Variants in GPBP1L1 observed in about 807,000 individuals in gnomAD.
GPBP1L1 encodes the protein GC-rich promoter binding protein 1 like 1.
GPBP1L1 carries 23 observed loss-of-function variants against 52.5 expected under a neutral mutation model. That is an observed-to-expected ratio of 0.44 (90% CI 0.32 to 0.62). The LOEUF (loss-of-function observed/expected upper bound fraction) is 0.62. Ranked by LOEUF, GPBP1L1 falls within the 20% of genes least tolerant of loss-of-function variation. GPBP1L1 has a pLI of 0.06. For synonymous variants in GPBP1L1, 243 were observed against 203.1 expected (o/e 1.20, Z -1.67); for missense variants, 596 against 579.3 (o/e 1.03, Z -0.30).
Position 45,675,830 on chromosome 1 carries a change from T to C in GPBP1L1, c.-1098+9746A>G, listed in dbSNP as rs911160550. 6.6e-5 allele frequency among the ~76,000 whole-genome samples: 10 copies of C among 152,304 alleles called. No homozygotes were observed. The East Asian group carries it at 1.5e-3, about 23-fold the overall frequency. ...TGCTAGGATTACAGGCATGAGCCAC[T>C]GTACCCAGCCTTCTTACTGTTCTTA... is the stretch of plus-strand genomic sequence containing the variant. On this transcript the variant is annotated intron_variant, in intron 2 of 12. Coordinates refer to ENST00000355105, the MANE Select transcript of GPBP1L1 (RefSeq NM_021639.5).
intron 4 of GPBP1L1, among the ~76,000 whole-genome samples, chr1:45,658,169 C>G (rs904692233): frequency 2.0e-5 from 3 of 152,180 alleles, no homozygotes; most frequent in South Asian, 2.1e-4. Flanking sequence ...ACACATCCCC[C>G]CTGAAACTAT....
intron 2 of GPBP1L1, among the ~76,000 whole-genome samples, chr1:45,671,014 G>A (rs1284839417): frequency 6.6e-6 from 1 of 151,440 alleles, no homozygotes; most frequent in Non-Finnish European, 1.5e-5. Context: ...GGCTTGTCTC[G>A]AACTCCTGAC....
chr1:45,656,372 T>C (rs1055224645), intron 4 of GPBP1L1, among the ~76,000 whole-genome samples: 1 of 152,126 alleles, frequency 6.6e-6, no homozygotes, highest in Non-Finnish European at 1.5e-5. Flanking sequence ...AAACCGTAAA[T>C]CGGGGCATGT....
chr1:45,629,710 T>C, intron 11 of GPBP1L1, 32 bp from the exon 12 acceptor site: 1 of 1,368,742 alleles, frequency 7.3e-7, no homozygotes, highest in Non-Finnish European at 1.0e-6. Flanking sequence ...GTAAAGAGAA[T>C]ACAACATCAC....
chr1:45,661,438 C>T (rs960626124), intron 2 of GPBP1L1, among the ~76,000 whole-genome samples: 10 of 151,448 alleles, frequency 6.6e-5, no homozygotes, highest in African/African-American at 2.4e-4. Flanking sequence ...TGAGAAAAGT[C>T]ATCTAAACAG....
chr1:45,631,410 A>G (rs905784128), intron 10 of GPBP1L1, among the ~76,000 whole-genome samples: 2 of 152,036 alleles, frequency 1.3e-5, no homozygotes, highest in African/African-American at 4.8e-5. Flanking sequence ...CTATGGGTGC[A>G]TGCTACCATG....
intron 2 of GPBP1L1, among the ~76,000 whole-genome samples, chr1:45,665,109 T>C (rs929208811): frequency 6.6e-6 from 1 of 151,976 alleles, no homozygotes; most frequent in Non-Finnish European, 1.5e-5. Flanking sequence ...GCCAATATGG[T>C]GAAACCCCCG....
chr1:45,674,959 C>T (rs1255080988), intron 2 of GPBP1L1, among the ~76,000 whole-genome samples: 3 of 152,142 alleles, frequency 2.0e-5, no homozygotes, highest in Non-Finnish European at 4.4e-5. Context: ...TTAAATGCTT[C>T]CATGTAGTCC....
intron 6 of GPBP1L1, among the ~76,000 whole-genome samples, chr1:45,653,858 C>T (rs1644850900): frequency 6.6e-6 from 1 of 151,750 alleles, no homozygotes; most frequent in Admixed American, 6.6e-5. Flanking sequence ...GCCACCAAGC[C>T]CAGCTAATTT....
intron 2 of GPBP1L1, among the ~76,000 whole-genome samples, chr1:45,667,112 A>G: frequency 6.6e-6 from 1 of 152,224 alleles, no homozygotes; most frequent in East Asian, 1.9e-4. Context: ...GGAACTACAT[A>G]GTGGTGATGG....
At position 45,654,610 on chromosome 1, in the gene GPBP1L1, G is replaced by C; in HGVS notation, c.410C>G (p.Pro137Arg). The C allele has an allele frequency of 2.5e-6, 4 of 1,613,986 alleles. No individual in the cohort carries two copies. The highest frequency in any genetic ancestry group is 3.4e-6 in the Non-Finnish European group (4 of 1,179,988). Residue 137 changes from proline to arginine, a missense_variant, in exon 6 of 13, where the codon CCT (proline) becomes CGT (arginine). Physicochemically the swap from Pro to Arg is moderately radical, Grantham distance 103. Transcript: ENST00000355105. ...TTTCTTTTCTTCCCTAATCTCCATA[G>C]GTGGCTTTTCCTGAAAAGCACACCC... Reference protein sequence around the residue: ...RKGCAFQEKPPMEIREEKKED... With the variant: ...RKGCAFQEKPRMEIREEKKED...
chr1:45,687,528 A>T (rs1215525884), upstream of GPBP1L1: 1 of 152,292 alleles, frequency 6.6e-6, no homozygotes, highest in African/African-American at 2.4e-5. Flanking sequence ...TAGACACGGA[A>T]GGGCACTAAA....
chr1:45,642,272 G>C (rs1644684162), intron 7 of GPBP1L1, among the ~76,000 whole-genome samples, 155 bp downstream of exon 7: 1 of 152,130 alleles, frequency 6.6e-6, no homozygotes, highest in Admixed American at 6.6e-5. Flanking sequence ...GGTGGGGTAG[G>C]GGGCAGAATA....
At chr1:45,659,264 A>G in intron 3 of GPBP1L1, 122 bp from the exon 4 acceptor site, 1 of 611,454 alleles carries the variant, frequency 1.6e-6, no homozygotes. Flanking sequence ...GCCTGTCTAC[A>G]GATTACTTAC....
chr1:45,637,455 C>T (rs1303958913), intron 8 of GPBP1L1, among the ~76,000 whole-genome samples: 1 of 150,002 alleles, frequency 6.7e-6, no homozygotes, highest in Non-Finnish European at 1.5e-5. Context: ...TCTGCCATTA[C>T]CACCTCTGCC....
chr1:45,673,314 T>G (rs765576454), intron 2 of GPBP1L1, among the ~76,000 whole-genome samples: 2 of 151,806 alleles, frequency 1.3e-5, no homozygotes, highest in Non-Finnish European at 2.9e-5. Flanking sequence ...TGCAGAGGAG[T>G]TGAGGGGTGT....
At chr1:45,653,580 A>C (rs974519511) in intron 6 of GPBP1L1, among the ~76,000 whole-genome samples, 1 of 152,090 alleles carries the variant, frequency 6.6e-6, no homozygotes, top group African/African-American at 2.4e-5. Context: ...GGCTGGTCTC[A>C]AACTCCTGGC....
intron 7 of GPBP1L1, 125 bp downstream of exon 7, chr1:45,642,302 T>TA: frequency 1.4e-6 from 1 of 700,246 alleles, no homozygotes; most frequent in East Asian, 2.6e-5. Flanking sequence ...AGTCAGATGT[T>TA]AGTTACCATG....
Position 45,628,208 on chromosome 1 carries a change from AAC to A in GPBP1L1, c.*46_*47del. On this transcript the variant is annotated 3_prime_UTR_variant, in exon 13 of 13. Transcript: ENST00000355105. The stretch of plus-strand genomic sequence containing the variant: ...AACGATTTCTTTTGTATACTCCCTA[AAC>A]ACACAGAGTTTACTGGGTCAGATTT... 3 of 1,573,474 alleles carry A rather than the reference AAC, an allele frequency of 1.9e-6. No individual in the cohort carries two copies. Among genetic ancestry groups the A allele is most frequent in the African/African-American group, 1.3e-5 (1 of 74,242 alleles).
Sources: gnomAD v4.1 joint callset for allele counts (sites outside exome capture counted in the v4.1 genomes callset) on GRCh38, gnomAD v4.1.1 for gene constraint, MANE v1.5 for transcripts, NCBI Gene and HGNC (gene_info 2026-07-23, HGNC 2026-07-21) for gene names.